AKR1D1: variants seen among roughly 807,000 people sequenced by gnomAD.
AKR1D1 encodes delta(4)-3-ketosteroid 5-beta-reductase.
AKR1D1 carries 32 observed loss-of-function variants against 42.6 expected under a neutral mutation model. That is an observed-to-expected ratio of 0.75 (90% CI 0.57 to 1.01). The LOEUF is 1.01. Ranked by LOEUF, AKR1D1 falls within the 50% of genes least tolerant of loss-of-function variation. AKR1D1 has a pLI of 0.00. For missense variants in AKR1D1, 364 were observed against 402.2 expected, an observed-to-expected ratio of 0.91 and a Z score of 0.81; for synonymous variants, 123 against 135.5, an observed-to-expected ratio of 0.91 and a Z score of 0.64.
intron 2 of AKR1D1, among the ~76,000 whole-genome samples, 187 bp from the exon 3 acceptor site, chr7:138,091,581 G>C (rs1794077752): frequency 6.6e-6 from 1 of 151,850 alleles, no homozygotes; most frequent in Non-Finnish European, 1.5e-5. Context: ...TATAATCCCA[G>C]CACTTTGGGA....
At chr7:138,093,584 G>A (rs1032064138) in intron 3 of AKR1D1, among the ~76,000 whole-genome samples, 4 of 152,050 alleles carry the variant, frequency 2.6e-5, no homozygotes, top group African/African-American at 7.2e-5. Context: ...GCAATAACAC[G>A]CATGGAGCTG....
chr7:138,103,337 G>A (rs770499524), intron 4 of AKR1D1, among the ~76,000 whole-genome samples: 6 of 152,004 alleles, frequency 3.9e-5, no homozygotes, highest in Admixed American at 2.6e-4. Flanking sequence ...CCCATAATAC[G>A]CTACAATTAA....
rs781611796 is a variant in AKR1D1, at chr7:138,106,672, T to C, written c.644T>C (p.Val215Ala). 8.7e-6 allele frequency: 14 copies of C among 1,614,118 alleles called. No homozygotes were observed. The highest frequency in any genetic ancestry group is 1.2e-5 in the Non-Finnish European group (14 of 1,179,968). ...AAATTTTGCCAACAACATGACATTG[T>C]CATTACTGCATATAGCCCTTTGGGG... ...LLKFCQQHDI[V>A]ITAYSPLGTS... Residue 215 changes from valine to alanine, a missense_variant, in exon 6 of 9, where the codon GTC becomes GCC. Transcript: ENST00000242375.
At chr7:138,102,597 C>T (rs1369751343) in intron 4 of AKR1D1, among the ~76,000 whole-genome samples, 1 of 152,100 alleles carries the variant, frequency 6.6e-6, no homozygotes, top group Admixed American at 6.6e-5. Context: ...AGGGCTTATA[C>T]TAATTTCAAG....
chr7:138,086,248 T>C (rs1410095794), intron 1 of AKR1D1, among the ~76,000 whole-genome samples: 2 of 152,102 alleles, frequency 1.3e-5, no homozygotes, highest in Non-Finnish European at 2.9e-5. Flanking sequence ...AAAGTAGATG[T>C]TTATTTTCTT....
Position 138,091,772 on chromosome 7 carries a change from G to A in AKR1D1, c.266G>A (p.Trp89Ter). Reference sequence around the variant, plus strand: ...CTCCCTCTTTGATTCTTTCAGCTATGGGCTACAAATCATGTCCCAGAGATG... The same window carrying A: ...CTCCCTCTTTGATTCTTTCAGCTATAGGCTACAAATCATGTCCCAGAGATG... The part of the protein sequence containing the change: ...REDIFYCGKL[W>*]ATNHVPEMVR... Residue 89 changes from tryptophan (W) to a stop codon, truncating the protein, a stop_gained, in exon 3 of 9, where the codon TGG (tryptophan) becomes TAG (stop). Coordinates refer to ENST00000242375, the MANE Select transcript of AKR1D1 (RefSeq NM_005989.4). LOFTEE classifies it high-confidence loss of function. The A allele has an allele frequency of 6.2e-7, 1 of 1,608,526 alleles. No homozygotes were observed.
At chr7:138,105,559 AAGTCTTT>A in intron 5 of AKR1D1, 130 bp downstream of exon 5, 2 of 1,358,890 alleles carry the variant, frequency 1.5e-6, no homozygotes, top group Non-Finnish European at 2.0e-6. Context: ...GACCCTGTGC[AAGTCTTT>A]AGACTTCTTT....
intron 1 of AKR1D1, among the ~76,000 whole-genome samples, chr7:138,085,994 G>A (rs1477982886): frequency 6.6e-6 from 1 of 151,958 alleles, no homozygotes; most frequent in East Asian, 1.9e-4. Flanking sequence ...AGGATCACTT[G>A]AGCCCAAGAG....
intron 1 of AKR1D1, 127 bp downstream of exon 1, chr7:138,076,738 A>G: frequency 2.6e-6 from 2 of 765,500 alleles, no homozygotes; most frequent in South Asian, 3.0e-5. Context: ...AGCAACCTCA[A>G]TTTGTAATAA....
In AKR1D1 at chr7:138,088,036, G is replaced by A. The variant is rs1014346254; in HGVS notation, c.94-565G>A. Among the ~76,000 whole-genome samples the A allele has an allele frequency of 1.3e-4, 19 of 151,796 alleles. 1 individual carries two copies. Among genetic ancestry groups the A allele is most frequent in the Admixed American group, 8.5e-4 (13 of 15,226 alleles). ...CTCCCAAGTAACTGGGACCACAGGC[G>A]CATGCCACCACATCCAGCTAATTAC... On this transcript the variant is annotated intron_variant, in intron 1 of 8. Coordinates refer to ENST00000242375, the MANE Select transcript of AKR1D1 (RefSeq NM_005989.4).
Position 138,091,899 on chromosome 7 carries a change from C to A in AKR1D1, c.378+15C>A. Reference sequence around the variant, plus strand: ...TGGCCTTTAAGGTGAGTTCAGATGCCCAAAGGTCAGGTCTCTGCACCCTGG... The same window carrying A: ...TGGCCTTTAAGGTGAGTTCAGATGCACAAAGGTCAGGTCTCTGCACCCTGG... On this transcript the variant is annotated intron_variant, in intron 3 of 8. Coordinates refer to ENST00000242375, the MANE Select transcript of AKR1D1 (RefSeq NM_005989.4). 1 of 1,574,384 alleles carries A rather than the reference C, an allele frequency of 6.4e-7. No individual in the cohort carries two copies. Among genetic ancestry groups the A allele is most frequent in the Non-Finnish European group, 8.7e-7 (1 of 1,144,678 alleles).
chr7:138,101,893 T>C (rs1054314044), intron 4 of AKR1D1, among the ~76,000 whole-genome samples: 1 of 152,110 alleles, frequency 6.6e-6, no homozygotes, highest in African/African-American at 2.4e-5. Context: ...AAAATCCCAA[T>C]AGAAATGGAA....
At chr7:138,080,640 C>T (rs1803034054) in intron 1 of AKR1D1, among the ~76,000 whole-genome samples, 1 of 152,168 alleles carries the variant, frequency 6.6e-6, no homozygotes, top group Admixed American at 6.6e-5. Flanking sequence ...CCTGAAAACT[C>T]TAGGGATTTC....
intron 7 of AKR1D1, among the ~76,000 whole-genome samples, chr7:138,112,474 C>T (rs938040997): frequency 6.6e-6 from 1 of 152,262 alleles, no homozygotes; most frequent in South Asian, 2.1e-4. Flanking sequence ...TGTGATAGAA[C>T]TATCACTGGG....
At chr7:138,079,782 A>C (rs931406279) in intron 1 of AKR1D1, among the ~76,000 whole-genome samples, 5 of 152,190 alleles carry the variant, frequency 3.3e-5, no homozygotes, top group Admixed American at 1.3e-4. Context: ...CCAGCTCATA[A>C]TGGGCAGCTC....
At chr7:138,094,546 G>A (rs1794148228) in intron 3 of AKR1D1, among the ~76,000 whole-genome samples, 1 of 152,010 alleles carries the variant, frequency 6.6e-6, no homozygotes, top group South Asian at 2.1e-4. Flanking sequence ...TGGGGGGGCA[G>A]TCTTGCTCTG....
intron 4 of AKR1D1, among the ~76,000 whole-genome samples, chr7:138,102,576 A>T (rs1794339518): frequency 6.6e-6 from 1 of 152,210 alleles, no homozygotes; most frequent in Non-Finnish European, 1.5e-5. Flanking sequence ...AATAAAAAGC[A>T]ATAAGTTTGG....
At chr7:138,101,234 C>G (rs1334299227) in intron 4 of AKR1D1, among the ~76,000 whole-genome samples, 2 of 131,560 alleles carry the variant, frequency 1.5e-5, no homozygotes, top group East Asian at 2.7e-4. Context: ...GAGTCTCGCT[C>G]TGTAGCCCAG....
At chr7:138,101,844 T>C (rs183525932) in intron 4 of AKR1D1, among the ~76,000 whole-genome samples, 1 of 152,288 alleles carries the variant, frequency 6.6e-6, no homozygotes, top group East Asian at 1.9e-4. Flanking sequence ...GATGTTAATT[T>C]TCCCCAAATT....
Sources: allele counts gnomAD v4.1 joint callset (sites outside exome capture counted in the v4.1 genomes callset), GRCh38; gene constraint gnomAD v4.1.1; transcripts MANE v1.5; gene names NCBI Gene and HGNC (gene_info 2026-07-23, HGNC 2026-07-21).